Variants in UGGT2 observed in about 807,000 individuals in gnomAD.
UGGT2 encodes UDP-glucose:glycoprotein glucosyltransferase 2.
Under a neutral mutation model 192.1 loss-of-function variants are expected in UGGT2, and 180 were observed. The ratio of observed to expected loss-of-function variants is 0.94; its 90% CI spans 0.83 to 1.06. UGGT2 has a LOEUF of 1.06. UGGT2 is among the 50% of genes least tolerant of loss of function. UGGT2 has a pLI of 0.00. For missense variants in UGGT2, 1,849 were observed against 1,795.7 expected, an observed-to-expected ratio of 1.03 and a Z score of -0.54; for synonymous variants, 580 against 591.0, an observed-to-expected ratio of 0.98 and a Z score of 0.27.
chr13:95,931,940 G>A (rs1160441678), intron 17 of UGGT2, among the ~76,000 whole-genome samples: 8 of 152,318 alleles, frequency 5.3e-5, no homozygotes, highest in Admixed American at 5.2e-4. Context: ...GGACGCCGAG[G>A]GCAAGGAGGT....
chr13:95,865,245 G>A (rs1890547218), intron 30 of UGGT2, among the ~76,000 whole-genome samples: 1 of 151,964 alleles, frequency 6.6e-6, no homozygotes, highest in Non-Finnish European at 1.5e-5. Flanking sequence ...GGATTTCATG[G>A]GCTGATCCTC....
rs921336864 is a variant in UGGT2, at chr13:95,931,359, G to A, written c.1978-4023C>T. Among the ~76,000 whole-genome samples the A allele has an allele frequency of 4.4e-4, 67 of 152,166 alleles. 1 individual carries two copies. Among genetic ancestry groups the A allele is most frequent in the Non-Finnish European group, 1.5e-4 (10 of 68,024 alleles). ...TTCTCCAAGTCCCCACTAGACTCTG[G>A]AGCCCAGGGGCTTCACCTAGTGGAT... On this transcript the variant is annotated intron_variant, in intron 17 of 38. Coordinates refer to ENST00000376747, the MANE Select transcript of UGGT2 (RefSeq NM_020121.4).
chr13:95,886,932 G>C (rs1273443405), intron 26 of UGGT2, among the ~76,000 whole-genome samples: 1 of 152,072 alleles, frequency 6.6e-6, no homozygotes, highest in African/African-American at 2.4e-5. Flanking sequence ...GCACGTACCT[G>C]TAGTCCCAGT....
chr13:95,802,659 G>A (rs1451040469), intron 38 of UGGT2, among the ~76,000 whole-genome samples: 2 of 152,166 alleles, frequency 1.3e-5, no homozygotes, highest in African/African-American at 2.4e-5. Flanking sequence ...GAGGCTGGAC[G>A]AGGCTATAAC....
intron 31 of UGGT2, among the ~76,000 whole-genome samples, chr13:95,862,617 GAC>G (rs1890263686): frequency 1.3e-5 from 2 of 152,228 alleles, no homozygotes; most frequent in South Asian, 2.1e-4. Context: ...TTCAGTTTGG[GAC>G]ACACAGCTAT....
intron 5 of UGGT2, among the ~76,000 whole-genome samples, chr13:96,009,179 A>C (rs1016363462): frequency 1.3e-5 from 2 of 152,252 alleles, no homozygotes; most frequent in South Asian, 4.1e-4. Flanking sequence ...TATGCCATAT[A>C]AAAAATCAAC....
At chr13:95,958,549 A>G (rs1219985077) in intron 12 of UGGT2, among the ~76,000 whole-genome samples, 1 of 152,120 alleles carries the variant, frequency 6.6e-6, no homozygotes, top group Non-Finnish European at 1.5e-5. Flanking sequence ...ATTTTTATAT[A>G]AAACAATCAG....
intron 38 of UGGT2, among the ~76,000 whole-genome samples, chr13:95,829,358 T>C (rs551537083): frequency 9.9e-5 from 15 of 152,220 alleles, no homozygotes; most frequent in African/African-American, 3.4e-4. Context: ...GGTATTCAAT[T>C]AGGAAAAGAG....
chr13:95,958,483 T>A (rs577551038), intron 12 of UGGT2, among the ~76,000 whole-genome samples: 6 of 152,274 alleles, frequency 3.9e-5, no homozygotes, highest in Admixed American at 6.5e-5. Context: ...GGAAGGTTTT[T>A]CAAGTAAGGC....
chr13:95,927,799 A>G (rs1012326387), intron 17 of UGGT2, among the ~76,000 whole-genome samples: 1 of 152,172 alleles, frequency 6.6e-6, no homozygotes, highest in African/African-American at 2.4e-5. Flanking sequence ...TTTCCTAGGC[A>G]GAGGGCCCTG....
At chr13:95,896,621 C>T (rs1323086959) in intron 22 of UGGT2, among the ~76,000 whole-genome samples, 1 of 152,040 alleles carries the variant, frequency 6.6e-6, no homozygotes, top group African/African-American at 2.4e-5. Context: ...GGGTTAACTA[C>T]ATTGGCTATC....
rs771903539 is a variant in UGGT2 at position 95,856,313 on chromosome 13, A to G, written c.3853T>C (p.Tyr1285His). ...TGAACTAGTTCATATCGGAATCCAT[A>G]CTCTTTAGCCATGTGAGGAATTACT... ...KEVIPHMAKE[Y>H]GFRYELVQYR... Residue 1285 changes from tyrosine to histidine, a missense_variant, in exon 34 of 39, where the codon TAT becomes CAT. By Grantham distance (83) the Tyr-to-His change is moderately conservative. Coordinates refer to ENST00000376747, the MANE Select transcript of UGGT2 (RefSeq NM_020121.4). 3 of 1,610,430 alleles carry G rather than the reference A, an allele frequency of 1.9e-6. No homozygotes were observed. The Admixed American group carries it at 5.1e-5, about 27-fold the overall frequency.
At chr13:95,853,706 T>C (rs1284672068) in intron 35 of UGGT2, 49 bp from the exon 36 acceptor site, 2 of 1,327,754 alleles carry the variant, frequency 1.5e-6, no homozygotes, top group East Asian at 5.0e-5. Flanking sequence ...TATGTAGTTT[T>C]AGTTTTACTT....
At chr13:95,909,678 A>G (rs1216538295) in intron 20 of UGGT2, among the ~76,000 whole-genome samples, 1 of 148,570 alleles carries the variant, frequency 6.7e-6, no homozygotes, top group Non-Finnish European at 1.5e-5. Flanking sequence ...GGTGCAGCGC[A>G]CCAGCATGGC....
chr13:95,908,609 T>C (rs1357525147), intron 20 of UGGT2, among the ~76,000 whole-genome samples: 2 of 151,412 alleles, frequency 1.3e-5, no homozygotes, highest in East Asian at 3.9e-4. Flanking sequence ...CCAGCACCTG[T>C]TGTTTCCTGA....
chr13:96,026,669 T>TC (rs1814413501), intron 2 of UGGT2, among the ~76,000 whole-genome samples: 2 of 142,800 alleles, frequency 1.4e-5, no homozygotes, highest in African/African-American at 5.1e-5. Context: ...CTTTTTTTTT[T>TC]TTTTTTTTTT....
chr13:95,869,440 C>G (rs1891024528), intron 29 of UGGT2, among the ~76,000 whole-genome samples: 1 of 152,120 alleles, frequency 6.6e-6, no homozygotes, highest in Non-Finnish European at 1.5e-5. Flanking sequence ...ATTTCTAGTT[C>G]TAGATCCCTC....
At chr13:95,884,168 T>G (rs1325326845) in intron 27 of UGGT2, among the ~76,000 whole-genome samples, 1 of 151,938 alleles carries the variant, frequency 6.6e-6, no homozygotes, top group Admixed American at 6.6e-5. Flanking sequence ...CTTAATGGTG[T>G]TGTACTAAGT....
intron 11 of UGGT2, among the ~76,000 whole-genome samples, chr13:95,970,509 T>C (rs568995347): frequency 1.6e-4 from 24 of 152,190 alleles, no homozygotes; most frequent in African/African-American, 5.1e-4. Context: ...ACAAAGACTA[T>C]TGTATTCTTT....
Sources: gnomAD v4.1 joint callset for allele counts (sites outside exome capture counted in the v4.1 genomes callset) on GRCh38, gnomAD v4.1.1 for gene constraint, MANE v1.5 for transcripts, NCBI Gene and HGNC (gene_info 2026-07-23, HGNC 2026-07-21) for gene names.